Variants in SH2D3C observed in about 807,000 individuals in gnomAD.
The protein encoded by SH2D3C is SH2 domain containing 3C, also known as SH2 domain-containing protein 3C.
SH2D3C carries 25 observed loss-of-function variants against 75.2 expected under a neutral mutation model. The ratio of observed to expected loss-of-function variants is 0.33; its 90% confidence interval spans 0.24 to 0.46. SH2D3C has a LOEUF of 0.46. Ranked by LOEUF, SH2D3C falls within the 20% of genes least tolerant of loss-of-function variation. The probability of loss-of-function intolerance (pLI) is 1.00; values close to 1 mark genes in which losing one functional copy is unlikely to be tolerated. For synonymous variants in SH2D3C, 450 were observed against 473.7 expected (o/e 0.95, Z 0.65); for missense variants, 933 against 1,165.3 (o/e 0.80, Z 2.90).
chr9:127,766,573 T>C (rs753519783), intron 2 of SH2D3C, among the ~76,000 whole-genome samples: 3 of 152,036 alleles, frequency 2.0e-5, no homozygotes, highest in Non-Finnish European at 4.4e-5. Context: ...GTTTGTTTGT[T>C]TGTTTGTTTG....
intron 4 of SH2D3C, among the ~76,000 whole-genome samples, chr9:127,750,721 C>T (rs1220134109): frequency 1.3e-5 from 2 of 152,212 alleles, no homozygotes; most frequent in Non-Finnish European, 2.9e-5. Context: ...AAAGAAGGAA[C>T]AAGTGATCTA....
chr9:127,767,004 C>T, intron 2 of SH2D3C: 1 of 1,536,166 alleles, frequency 6.5e-7, no homozygotes, highest in Non-Finnish European at 8.7e-7. Flanking sequence ...TGCCAGGACA[C>T]CAGCCATGGG....
intron 2 of SH2D3C, among the ~76,000 whole-genome samples, chr9:127,763,499 C>T (rs1279851575): frequency 6.6e-6 from 1 of 152,142 alleles, no homozygotes; most frequent in Non-Finnish European, 1.5e-5. Context: ...AGGAGAATCA[C>T]TTGAACCCAA....
At chr9:127,758,847 C>T (rs531989174) in intron 3 of SH2D3C, among the ~76,000 whole-genome samples, 1 of 152,362 alleles carries the variant, frequency 6.6e-6, no homozygotes, top group South Asian at 2.1e-4. Context: ...TCATCCCCTA[C>T]CTCTGGAGCT....
rs761005848 is a variant in SH2D3C, at chr9:127,773,988, AC to A, written c.515+1del. The A allele has an allele frequency of 6.3e-7, 1 of 1,593,530 alleles. No homozygotes were observed. Among genetic ancestry groups the A allele is most frequent in the Non-Finnish European group, 8.6e-7 (1 of 1,163,310 alleles). On this transcript the variant is annotated splice_donor_variant, in intron 2 of 11. Coordinates refer to ENST00000314830, the MANE Select transcript of SH2D3C (RefSeq NM_170600.3). LOFTEE classifies it high-confidence loss of function. ...GGTCCCAACCAGCCCCTGGGCACCT[AC>A]CTTTCTGAGTGCACGTCCCTGGGAG...
chr9:127,776,748 C>G (rs938914953), intron 1 of SH2D3C, among the ~76,000 whole-genome samples: 1 of 152,156 alleles, frequency 6.6e-6, no homozygotes, highest in African/African-American at 2.4e-5. Flanking sequence ...CAGGGTCACA[C>G]AGCAAGGCCA....
At position 127,739,542 on chromosome 9, in the gene SH2D3C, G is replaced by A; in HGVS notation, c.2407+140C>T. 1 of 649,430 alleles carries A rather than the reference G, an allele frequency of 1.5e-6. No homozygotes were observed. The highest frequency in any genetic ancestry group is 2.5e-6 in the Non-Finnish European group (1 of 397,588). The allele number at this position is 649,430 out of a possible 1,614,324, so 40.2% of individuals were successfully genotyped here. A position where few individuals can be genotyped will look rare whatever the true frequency, so the allele number is the denominator to read the frequency against. On this transcript the variant is annotated intron_variant, in intron 11 of 11. Transcript: ENST00000314830. This position sits in a 1 kb window ranked among gnomAD's most constrained non-coding sequence, Gnocchi z 4.3. ...AAAGAAAAAAGAAAAGAAAAGACATGAGAGGAAGGGGTCAGGGAGACAGGG... is the reference window on the plus strand; with the variant it reads ...AAAGAAAAAAGAAAAGAAAAGACATAAGAGGAAGGGGTCAGGGAGACAGGG...
chr9:127,766,732 G>T (rs1471349721), intron 2 of SH2D3C, among the ~76,000 whole-genome samples: 1 of 152,116 alleles, frequency 6.6e-6, no homozygotes, highest in Non-Finnish European at 1.5e-5. Context: ...ACCACGCCCG[G>T]CTAGTTTTTG....
intron 8 of SH2D3C, 124 bp downstream of exon 8, chr9:127,742,725 G>A: frequency 1.6e-6 from 1 of 637,008 alleles, no homozygotes. Context: ...CAATGGGATG[G>A]GAGGCGTGGC....
At chr9:127,767,301 T>C in intron 2 of SH2D3C, 1 of 1,438,870 alleles carries the variant, frequency 6.9e-7, no homozygotes, top group Non-Finnish European at 9.1e-7. Flanking sequence ...AGAAAAGGCA[T>C]CTACTGAGTG....
At chr9:127,762,523 C>T in intron 2 of SH2D3C, 1 of 444,248 alleles carries the variant, frequency 2.3e-6, no homozygotes, top group Non-Finnish European at 4.6e-6. Context: ...TTTCCTGCAG[C>T]TTTGGCCAAA....
chr9:127,766,877 T>G, intron 2 of SH2D3C: 1 of 1,485,520 alleles, frequency 6.7e-7, no homozygotes, highest in Non-Finnish European at 9.0e-7. Context: ...CTTCTTTCCT[T>G]CCTTCACGCC....
At chr9:127,771,302 T>C in intron 2 of SH2D3C, 2 of 1,493,918 alleles carry the variant, frequency 1.3e-6, no homozygotes, top group Non-Finnish European at 1.8e-6. Context: ...CTCGGGCCAC[T>C]GAGCTGCAGA....
At chr9:127,771,298 C>CCACTGAGCTGCAGAGCT in intron 2 of SH2D3C, 1 of 1,505,146 alleles carries the variant, frequency 6.6e-7, no homozygotes, top group Non-Finnish European at 8.9e-7. Flanking sequence ...CTTTCTCGGG[C>CCACTGAGCTGCAGAGCT]CACTGAGCTG....
At chr9:127,759,063 G>C (rs939456506) in intron 3 of SH2D3C, among the ~76,000 whole-genome samples, 4 of 152,242 alleles carry the variant, frequency 2.6e-5, no homozygotes, top group African/African-American at 9.6e-5. Flanking sequence ...GCAACCCTGG[G>C]TTGGAGGCAC....
intron 2 of SH2D3C, chr9:127,771,375 G>GCGCTCCTTGCCCGGCCC (rs925604194): frequency 8.2e-6 from 11 of 1,339,644 alleles, no homozygotes; most frequent in African/African-American, 7.7e-5. Context: ...ACACGCCCCT[G>GCGCTCCTTGCCCGGCCC]CGCTCCTTGC....
rs569572526 is a variant in SH2D3C at position 127,744,551 on chromosome 9, A to G, written c.1800+13T>C. On this transcript the variant is annotated intron_variant, in intron 7 of 11. Transcript: ENST00000314830. ...AGATGCTCCCTCCACCCCAGTGCACAGCCAGCACCTACCAGGCAGTCCACC... is the reference window on the plus strand; with the variant it reads ...AGATGCTCCCTCCACCCCAGTGCACGGCCAGCACCTACCAGGCAGTCCACC... 2.5e-6 allele frequency: 4 copies of G among 1,594,992 alleles called. No homozygotes were observed. In the African/African-American group the frequency reaches 5.3e-5, roughly 21 times the overall value.
chr9:127,744,397 G>C (rs1271108133), intron 7 of SH2D3C, among the ~76,000 whole-genome samples, 167 bp downstream of exon 7: 1 of 152,114 alleles, frequency 6.6e-6, no homozygotes, highest in African/African-American at 2.4e-5. Flanking sequence ...TGGAGGCCCA[G>C]TGAGGCTAAA....
intron 2 of SH2D3C, among the ~76,000 whole-genome samples, chr9:127,773,647 G>C (rs758180356): frequency 1.3e-5 from 2 of 152,020 alleles, no homozygotes; most frequent in African/African-American, 4.8e-5. Context: ...ATGTGTACTG[G>C]GTTAAAAAGA....
Sources: gnomAD v4.1 joint callset for allele counts (sites outside exome capture counted in the v4.1 genomes callset) on GRCh38, gnomAD v4.1.1 for gene constraint, Gnocchi (gnomAD v3.1) non-coding constraint, MANE v1.5 for transcripts, NCBI Gene and HGNC (gene_info 2026-07-23, HGNC 2026-07-21) for gene names.